Variants in ZNF462 observed in about 807,000 individuals in gnomAD.
ZNF462 encodes zinc finger PBX1-interacting protein.
In ZNF462, 10 loss-of-function variants were observed where a neutral mutation model predicts 201.9. The ratio of observed to expected loss-of-function variants is 0.05; its 90% CI spans 0.03 to 0.08. ZNF462 has a LOEUF of 0.08. Among genes scored for constraint, ZNF462 ranks in the 10% least tolerant of loss-of-function variants. ZNF462 has a pLI of 1.00. For synonymous variants in ZNF462, 1,227 were observed against 1,193.3 expected (o/e 1.03, Z -0.58); for missense variants, 2,523 against 3,168.3 (o/e 0.80, Z 4.89).
chr9:106,896,020 A>G (rs963017330), intron 1 of ZNF462, among the ~76,000 whole-genome samples: 8 of 152,234 alleles, frequency 5.3e-5, no homozygotes, highest in African/African-American at 7.2e-5. Context: ...TTCTTTCCCA[A>G]TGGTCTAATC....
Position 106,939,085 on chromosome 9 carries a change from T to C in ZNF462, c.6405T>C (p.Ala2135=), listed in dbSNP as rs780824801. ...SHHSSQKATP[A]EEVEDSNDSS... ...ACTCCTCCCAAAAAGCTACCCCGGC[T>C]GAAGAAGTGGAAGACTCCAATGGTA... Residue 2135 remains alanine (A), a synonymous_variant, in exon 7 of 13, where the codon GCT becomes GCC. Coordinates refer to ENST00000277225, the MANE Select transcript of ZNF462 (RefSeq NM_021224.6). 8.7e-6 allele frequency: 14 copies of C among 1,608,584 alleles called. No individual in the cohort carries two copies. The South Asian group carries it at 1.6e-4, about 18-fold the overall frequency.
rs918097302 is a variant in ZNF462 at position 106,883,354 on chromosome 9, T to C, written c.-31+19999T>C. The stretch of plus-strand genomic sequence containing the variant: ...AATAGCGGGAAAGTCAAAGCCTTTC[T>C]AAAGCAGAGACCATATTAATGCTGG... On this transcript the variant is annotated intron_variant, in intron 1 of 12. Transcript: ENST00000277225. This position sits in a 1 kb window ranked among gnomAD's most constrained non-coding sequence, Gnocchi z 4.9. Among the ~76,000 whole-genome samples, 8 of 152,248 alleles carry C rather than the reference T, an allele frequency of 5.3e-5. No homozygotes were observed. Among genetic ancestry groups the C allele is most frequent in the Admixed American group, 5.2e-4 (8 of 15,288 alleles).
rs1308225381 is a variant in ZNF462 at position 106,966,499 on chromosome 9, C to T, written c.6428-5506C>T. On this transcript the variant is annotated intron_variant, in intron 7 of 12. Coordinates refer to ENST00000277225, the MANE Select transcript of ZNF462 (RefSeq NM_021224.6). The surrounding 1 kb of genome is among the most constrained non-coding windows in gnomAD (Gnocchi z 4.4). ...CATAGTTCTCTTGACATCCCCTCTC[C>T]ATCTCTCTCACTCCCACATTCTGTG... 6.6e-6 allele frequency among the ~76,000 whole-genome samples: 1 copy of T among 152,052 alleles called. No individual in the cohort carries two copies. The highest frequency in any genetic ancestry group is 2.4e-5 in the African/African-American group (1 of 41,396).
rs548337198 is a variant in ZNF462, at chr9:106,992,377, A to G, written c.7056+7968A>G. ...TTGGCAAGTATGTAGACAAACTGGA[A>G]TCTCATACATTGCTGATTGGAATGT... On this transcript the variant is annotated intron_variant, in intron 10 of 12. Coordinates refer to ENST00000277225, the MANE Select transcript of ZNF462 (RefSeq NM_021224.6). 1.0e-3 allele frequency among the ~76,000 whole-genome samples: 153 copies of G among 152,218 alleles called. 2 individuals are homozygous for G. The highest frequency in any genetic ancestry group is 3.5e-3 in the African/African-American group (145 of 41,564).
intron 1 of ZNF462, among the ~76,000 whole-genome samples, chr9:106,888,824 T>C (rs1828443797): frequency 6.6e-6 from 1 of 152,234 alleles, no homozygotes; most frequent in African/African-American, 2.4e-5. Context: ...ATATTTCCTT[T>C]TGAAGTGCCA....
intron 7 of ZNF462, among the ~76,000 whole-genome samples, chr9:106,956,717 C>T (rs1353075730): frequency 6.6e-6 from 1 of 152,190 alleles, no homozygotes; most frequent in East Asian, 1.9e-4. Context: ...TAATCTGCTG[C>T]AGCTTCTACG....
chr9:107,000,537 G>T (rs186757450), intron 10 of ZNF462, among the ~76,000 whole-genome samples: 54 of 152,156 alleles, frequency 3.5e-4, no homozygotes, highest in Non-Finnish European at 6.8e-4. Flanking sequence ...TTCAAATACC[G>T]TCATAACCCA....
intron 1 of ZNF462, among the ~76,000 whole-genome samples, chr9:106,864,944 G>A (rs955566568): frequency 1.3e-5 from 2 of 152,170 alleles, no homozygotes; most frequent in African/African-American, 4.8e-5. Context: ...GGGTTTCCAG[G>A]AGACAAAGCT....
intron 7 of ZNF462, among the ~76,000 whole-genome samples, chr9:106,965,034 A>G (rs2131949729): frequency 6.6e-6 from 1 of 152,192 alleles, no homozygotes; most frequent in Non-Finnish European, 1.5e-5. Context: ...ATGAGGTATA[A>G]TGAGATCAGG....
chr9:106,961,850 T>C (rs1311529478), intron 7 of ZNF462, among the ~76,000 whole-genome samples: 1 of 152,024 alleles, frequency 6.6e-6, no homozygotes, highest in Non-Finnish European at 1.5e-5. Flanking sequence ...AGTTCAGTTT[T>C]GAAAGATGAG....
Position 106,967,067 on chromosome 9 carries a change from C to T in ZNF462, c.6428-4938C>T, listed in dbSNP as rs934341645. On this transcript the variant is annotated intron_variant, in intron 7 of 12. Coordinates refer to ENST00000277225, the MANE Select transcript of ZNF462 (RefSeq NM_021224.6). Reference sequence around the variant, plus strand: ...GCTGCCCAATTGACTCTTATTCTTCCTTGTGTCTTCCTTAAACTTACAATA... The same window carrying T: ...GCTGCCCAATTGACTCTTATTCTTCTTTGTGTCTTCCTTAAACTTACAATA... 2.0e-5 allele frequency among the ~76,000 whole-genome samples: 3 copies of T among 152,060 alleles called. No individual in the cohort carries two copies. The South Asian group carries it at 6.2e-4, about 31-fold the overall frequency.
chr9:106,953,194 G>A (rs1475764396), intron 7 of ZNF462, among the ~76,000 whole-genome samples: 1 of 152,150 alleles, frequency 6.6e-6, no homozygotes, highest in African/African-American at 2.4e-5. Context: ...GCTAGACTCA[G>A]TGTTCTGCCT....
At chr9:106,916,515 C>T (rs1829780413) in intron 1 of ZNF462, among the ~76,000 whole-genome samples, 1 of 152,118 alleles carries the variant, frequency 6.6e-6, no homozygotes, top group Non-Finnish European at 1.5e-5. Flanking sequence ...TCTGAAGAGT[C>T]GATAAAGCAA....
intron 1 of ZNF462, among the ~76,000 whole-genome samples, chr9:106,887,439 G>A (rs1828369867): frequency 6.6e-6 from 1 of 152,180 alleles, no homozygotes; most frequent in Non-Finnish European, 1.5e-5. Flanking sequence ...AGCCCAACTG[G>A]AACCTTGGTT....
At chr9:106,956,884 TGG>T (rs1831599723) in intron 7 of ZNF462, among the ~76,000 whole-genome samples, 2 of 152,206 alleles carry the variant, frequency 1.3e-5, no homozygotes, top group East Asian at 3.9e-4. Context: ...GGCCTTGCTT[TGG>T]ATTAGGCTTT....
chr9:106,976,339 T>G (rs1827002523), intron 9 of ZNF462: 1 of 152,208 alleles, frequency 6.6e-6, no homozygotes, highest in South Asian at 2.1e-4. Flanking sequence ...CTTGTTAGAC[T>G]TTTTTGAACT....
chr9:106,893,849 T>G (rs547343539), intron 1 of ZNF462, among the ~76,000 whole-genome samples: 1 of 152,302 alleles, frequency 6.6e-6, no homozygotes, highest in South Asian at 2.1e-4. Flanking sequence ...GTGGTAGGTG[T>G]CAAAAAACTG....
intron 1 of ZNF462, among the ~76,000 whole-genome samples, chr9:106,918,097 G>A (rs536827446): frequency 1.6e-4 from 25 of 151,938 alleles, no homozygotes; most frequent in African/African-American, 5.1e-4. Context: ...GACTGGTCTC[G>A]AACTCCTGAC....
chr9:106,947,231 G>A (rs181030624), intron 7 of ZNF462, among the ~76,000 whole-genome samples: 118 of 152,268 alleles, frequency 7.7e-4, no homozygotes, highest in African/African-American at 2.8e-3. Context: ...AGAATTTAGG[G>A]CCCAGCTAAA....
Sources: gnomAD v4.1 joint callset for allele counts (sites outside exome capture counted in the v4.1 genomes callset) on GRCh38, gnomAD v4.1.1 for gene constraint, Gnocchi (gnomAD v3.1) non-coding constraint, MANE v1.5 for transcripts, NCBI Gene and HGNC (gene_info 2026-07-23, HGNC 2026-07-21) for gene names.